Variants in EPB41L3 observed in about 807,000 individuals in gnomAD.
The protein encoded by EPB41L3 is erythrocyte membrane protein band 4.1 like 3.
EPB41L3 carries 57 observed loss-of-function variants against 127.1 expected under a neutral mutation model. The ratio of observed to expected loss-of-function variants is 0.45; its 90% CI spans 0.36 to 0.56. EPB41L3 has a LOEUF of 0.56. Among genes scored for constraint, EPB41L3 ranks in the 20% least tolerant of loss-of-function variants. EPB41L3 has a pLI of 0.00. For missense variants in EPB41L3, 1,273 were observed against 1,372.2 expected, an observed-to-expected ratio of 0.93 and a Z score of 1.14; for synonymous variants, 572 against 549.5, an observed-to-expected ratio of 1.04 and a Z score of -0.57.
chr18:5,401,283 G>A (rs997499918), intron 16 of EPB41L3, among the ~76,000 whole-genome samples: 7 of 151,966 alleles, frequency 4.6e-5, no homozygotes, highest in African/African-American at 1.7e-4. Context: ...TGAAACTTTG[G>A]GGTTAACTTT....
At chr18:5,550,084 C>T (rs1035235638) in intron 3 of EPB41L3, among the ~76,000 whole-genome samples, 1 of 152,184 alleles carries the variant, frequency 6.6e-6, no homozygotes, top group Admixed American at 6.5e-5. Flanking sequence ...TGCAGTAACA[C>T]TGCAACTCTG....
chr18:5,395,242 C>A, intron 20 of EPB41L3, 95 bp from the exon 21 acceptor site: 1 of 1,032,686 alleles, frequency 9.7e-7, no homozygotes, highest in Non-Finnish European at 1.5e-6. Context: ...TGACATCATT[C>A]ACTCTTCGAG....
At chr18:5,595,930 C>G (rs568646756) in intron 3 of EPB41L3, among the ~76,000 whole-genome samples, 22 of 152,282 alleles carry the variant, frequency 1.4e-4, no homozygotes, top group African/African-American at 5.3e-4. Flanking sequence ...TCCACTCCAT[C>G]CCCACATTCT....
At chr18:5,482,422 G>A (rs1023937408) in intron 2 of EPB41L3, among the ~76,000 whole-genome samples, 9 of 152,146 alleles carry the variant, frequency 5.9e-5, no homozygotes, top group Admixed American at 2.0e-4. Flanking sequence ...CTCAGCAAGA[G>A]CAAAGGGTAG....
chr18:5,494,179 C>A (rs1257602945), intron 1 of EPB41L3, among the ~76,000 whole-genome samples: 2 of 152,098 alleles, frequency 1.3e-5, no homozygotes, highest in Non-Finnish European at 2.9e-5. Context: ...AACCTTTGAT[C>A]TCTGCACCAC....
At chr18:5,485,479 G>A (rs2089583675) in intron 2 of EPB41L3, among the ~76,000 whole-genome samples, 1 of 151,930 alleles carries the variant, frequency 6.6e-6, no homozygotes, top group African/African-American at 2.4e-5. Context: ...ACATAATACT[G>A]GAAGTCCTGG....
intron 1 of EPB41L3, among the ~76,000 whole-genome samples, chr18:5,529,928 A>ATGTATGTGTGTGTGTGTG (rs374864271): frequency 4.8e-5 from 7 of 146,884 alleles, no homozygotes; most frequent in South Asian, 4.4e-4. Context: ...CAACTCATAT[A>ATGTATGTGTGTGTGTGTG]TGTGTGTGTG....
chr18:5,599,715 G>A (rs1175760386), intron 3 of EPB41L3, among the ~76,000 whole-genome samples: 2 of 152,056 alleles, frequency 1.3e-5, no homozygotes, highest in African/African-American at 4.8e-5. Context: ...TTCCGCCATG[G>A]TTGTAAGTTT....
At chr18:5,478,121 G>A in intron 3 of EPB41L3, 120 bp downstream of exon 3, 1 of 763,592 alleles carries the variant, frequency 1.3e-6, no homozygotes, top group Non-Finnish European at 2.1e-6. Context: ...TATATTTAGA[G>A]ACTGGGTTTG....
chr18:5,493,133 A>C (rs1022792551), intron 1 of EPB41L3, among the ~76,000 whole-genome samples: 1 of 152,204 alleles, frequency 6.6e-6, no homozygotes, highest in Non-Finnish European at 1.5e-5. Flanking sequence ...TAAAATCTCC[A>C]TCTCCTAACT....
intron 3 of EPB41L3, among the ~76,000 whole-genome samples, chr18:5,573,862 A>G (rs2094308947): frequency 6.6e-6 from 1 of 152,150 alleles, no homozygotes; most frequent in Non-Finnish European, 1.5e-5. Context: ...CCTAACTTCA[A>G]TGAGCAGTTG....
chr18:5,409,493 A>G lies in EPB41L3; in HGVS notation c.2121+1073T>C, dbSNP rs2075922412. ...TATATGATTGCTTAAAAGAATCTGC[A>G]TAATAGTTTTAACAATATCATCTTT... On this transcript the variant is annotated intron_variant, in intron 14 of 22. Coordinates refer to ENST00000341928, the MANE Select transcript of EPB41L3 (RefSeq NM_012307.5). Among the ~76,000 whole-genome samples, 4 of 152,294 alleles carry G rather than the reference A, an allele frequency of 2.6e-5. No individual in the cohort carries two copies. In the South Asian group the frequency reaches 6.2e-4, roughly 24 times the overall value.
At chr18:5,514,769 C>T (rs1251038447) in intron 1 of EPB41L3, among the ~76,000 whole-genome samples, 1 of 152,160 alleles carries the variant, frequency 6.6e-6, no homozygotes, top group Non-Finnish European at 1.5e-5. Flanking sequence ...ATGTTTCTCA[C>T]TCCATATGTT....
chr18:5,516,585 CT>C (rs1359205399), intron 1 of EPB41L3, among the ~76,000 whole-genome samples: 1 of 152,206 alleles, frequency 6.6e-6, no homozygotes, highest in African/African-American at 2.4e-5. Context: ...CCAGCATTTC[CT>C]TTTTCCACAG....
chr18:5,542,447 C>A (rs2093758100), intron 1 of EPB41L3, among the ~76,000 whole-genome samples: 1 of 152,146 alleles, frequency 6.6e-6, no homozygotes, highest in African/African-American at 2.4e-5. Context: ...CCTCAGGCAG[C>A]CTAAAATTCT....
At chr18:5,589,667 A>G (rs185080849) in intron 3 of EPB41L3, among the ~76,000 whole-genome samples, 2 of 152,354 alleles carry the variant, frequency 1.3e-5, no homozygotes, top group East Asian at 1.9e-4. Flanking sequence ...TCAATTTTCT[A>G]AATTCTAAAT....
chr18:5,556,143 T>A (rs752249639), intron 3 of EPB41L3, among the ~76,000 whole-genome samples: 28 of 152,228 alleles, frequency 1.8e-4, no homozygotes, highest in Non-Finnish European at 3.7e-4. Flanking sequence ...AAATAAATGT[T>A]GATGGACTGT....
intron 3 of EPB41L3, among the ~76,000 whole-genome samples, chr18:5,557,092 T>G (rs2094047912): frequency 6.6e-6 from 1 of 152,098 alleles, no homozygotes; most frequent in African/African-American, 2.4e-5. Context: ...GAGGTGGCTC[T>G]CGACTGCTGG....
intron 16 of EPB41L3, chr18:5,400,215 A>T (rs968466424): frequency 5.7e-6 from 1 of 176,602 alleles, no homozygotes; most frequent in African/African-American, 2.4e-5. Flanking sequence ...AGTTCCAATA[A>T]GGCAAAAGAA....
Sources: gnomAD v4.1 joint callset for allele counts (sites outside exome capture counted in the v4.1 genomes callset) on GRCh38, gnomAD v4.1.1 for gene constraint, MANE v1.5 for transcripts, NCBI Gene and HGNC (gene_info 2026-07-23, HGNC 2026-07-21) for gene names.